The following MAPDA variants were observed in gnomAD, a reference collection of about 807,000 sequenced individuals.
MAPDA encodes the protein N6-Methyl-AMP deaminase.
chr15:43,344,833 C>T, the MAPDA span, among the ~76,000 whole-genome samples: 3 of 148,042 alleles, frequency 2.0e-5, no homozygotes, highest in Non-Finnish European at 3.0e-5. Context: ...GAAATATTAA[C>T]AGAGATTCTC....
the MAPDA span, chr15:43,350,943 C>T: frequency 1.3e-6 from 2 of 1,551,308 alleles, no homozygotes; most frequent in Non-Finnish European, 1.7e-6. Flanking sequence ...TCATCTAGAA[C>T]TCTGTTTGAC....
the MAPDA span, among the ~76,000 whole-genome samples, chr15:43,331,084 C>T: frequency 6.6e-6 from 1 of 152,158 alleles, no homozygotes; most frequent in Non-Finnish European, 1.5e-5. Context: ...CTGAAGAAAC[C>T]GACCTTTACA....
chr15:43,352,224 T>A, the MAPDA span: 2 of 295,790 alleles, frequency 6.8e-6, no homozygotes, highest in Non-Finnish European at 1.2e-5. Flanking sequence ...CTATTAGTGA[T>A]CATAAAATTT....
chr15:43,345,591 C>T, the MAPDA span, among the ~76,000 whole-genome samples: 1 of 152,096 alleles, frequency 6.6e-6, no homozygotes, highest in Non-Finnish European at 1.5e-5. Context: ...ATCAAACAAA[C>T]TGAAGAAACA....
chr15:43,339,115 G>A, the MAPDA span, among the ~76,000 whole-genome samples: 1 of 152,188 alleles, frequency 6.6e-6, no homozygotes, highest in African/African-American at 2.4e-5. Context: ...ACAATTTCAT[G>A]GTGTCAGTGA....
At chr15:43,340,390 T>C in the MAPDA span, 5 of 1,547,472 alleles carry the variant, frequency 3.2e-6, no homozygotes. Flanking sequence ...ACTGTCCTTT[T>C]CCTATGTGCT....
the MAPDA span, among the ~76,000 whole-genome samples, chr15:43,331,064 A>G: frequency 6.6e-6 from 1 of 152,260 alleles, no homozygotes; most frequent in East Asian, 1.9e-4. Context: ...CACTAAGGCC[A>G]GGGTGCAAAC....
At chr15:43,351,770 T>C in the MAPDA span, 31 of 1,549,082 alleles carry the variant, frequency 2.0e-5, no homozygotes, top group East Asian at 7.6e-4. Flanking sequence ...AAGGGTGTTT[T>C]TGCAACACAC....
the MAPDA span, among the ~76,000 whole-genome samples, chr15:43,342,262 G>T: frequency 1.2e-4 from 18 of 151,902 alleles, no homozygotes; most frequent in Non-Finnish European, 2.5e-4. Context: ...AGAAAAAAAG[G>T]TATTTTACAG....
chr15:43,349,204 A>G, the MAPDA span: 1 of 1,425,746 alleles, frequency 7.0e-7, no homozygotes, highest in South Asian at 1.6e-5. Flanking sequence ...TTAAAACAGA[A>G]AGCTTTAGCT....
the MAPDA span, chr15:43,351,625 G>A: frequency 4.4e-5 from 37 of 832,046 alleles, no homozygotes; most frequent in Non-Finnish European, 3.6e-6. Flanking sequence ...AGATAAATTT[G>A]TAGGCCCTTG....
the MAPDA span, chr15:43,332,018 A>C: frequency 6.6e-6 from 1 of 152,242 alleles, no homozygotes; most frequent in Admixed American, 6.5e-5. Context: ...AACTTGGAAT[A>C]GATAGAAATG....
At chr15:43,348,176 C>T in the MAPDA span, among the ~76,000 whole-genome samples, 4 of 152,170 alleles carry the variant, frequency 2.6e-5, no homozygotes, top group Non-Finnish European at 2.9e-5. Context: ...ATAAAGAGCA[C>T]AGCCAGACAT....
At chr15:43,345,306 G>A in the MAPDA span, among the ~76,000 whole-genome samples, 297 of 147,234 alleles carry the variant, frequency 2.0e-3, 2 homozygotes, top group Non-Finnish European at 2.4e-3. Context: ...GTGAGCCCGA[G>A]ATTGCACCAT....
chr15:43,335,302 A>G, the MAPDA span: 1 of 855,530 alleles, frequency 1.2e-6, no homozygotes, highest in South Asian at 1.6e-5. Context: ...TGGGAGGCCA[A>G]GGCGGGTGGA....
chr15:43,338,387 T>C, the MAPDA span, among the ~76,000 whole-genome samples: 1 of 152,214 alleles, frequency 6.6e-6, no homozygotes, highest in African/African-American at 2.4e-5. Flanking sequence ...AAAATGATAC[T>C]TGTTATTACA....
the MAPDA span, chr15:43,340,179 A>G: frequency 3.4e-6 from 4 of 1,184,264 alleles, no homozygotes; most frequent in Admixed American, 9.2e-5. Context: ...GATTTAATGA[A>G]TAAAATAAAG....
chr15:43,342,952 TTGA>T, the MAPDA span: 1 of 1,396,984 alleles, frequency 7.2e-7, no homozygotes, highest in African/African-American at 1.5e-5. Flanking sequence ...GATGAAATAG[TTGA>T]TGATCTCTTT....
At chr15:43,336,591 C>T in the MAPDA span, 1 of 1,515,952 alleles carries the variant, frequency 6.6e-7, no homozygotes, top group South Asian at 1.3e-5. Context: ...TCTTTGATGA[C>T]TAGATTATGT....
Sources: allele counts gnomAD v4.1 joint callset (sites outside exome capture counted in the v4.1 genomes callset), GRCh38; gene constraint gnomAD v4.1.1; transcripts MANE v1.5; gene names NCBI Gene and HGNC (gene_info 2026-07-23, HGNC 2026-07-21).